The following ETS2 variants were observed in gnomAD, a reference collection of about 807,000 sequenced individuals.
ETS2 encodes the protein ETS proto-oncogene 2, transcription factor, also known as protein C-ets-2.
Under a neutral mutation model 54.9 loss-of-function variants are expected in ETS2, and 19 were observed. The ratio of observed to expected loss-of-function variants is 0.35; its 90% confidence interval spans 0.24 to 0.51. The LOEUF (loss-of-function observed/expected upper bound fraction) is 0.51. Ranked by LOEUF, ETS2 falls within the 20% of genes least tolerant of loss-of-function variation. The pLI, the probability that ETS2 is intolerant of heterozygous loss-of-function variation, is 0.97. For synonymous variants in ETS2, 219 were observed against 229.3 expected, an observed-to-expected ratio of 0.95 and a Z score of 0.41; for missense variants, 417 against 593.0, an observed-to-expected ratio of 0.70 and a Z score of 3.08.
chr21:38,812,926 C>T (rs2060919163), intron 2 of ETS2, 77 bp from the exon 3 acceptor site: 1 of 1,025,690 alleles, frequency 9.7e-7, no homozygotes, highest in South Asian at 1.3e-5. Flanking sequence ...TAGGATTGCC[C>T]ACAGACCACT....
At position 38,806,075 on chromosome 21, in the gene ETS2, G is replaced by A; in HGVS notation, c.-46G>A. On this transcript the variant is annotated 5_prime_UTR_variant, in exon 1 of 10. Coordinates refer to ENST00000360938, the MANE Select transcript of ETS2 (RefSeq NM_005239.6). This position sits in a 1 kb window ranked among gnomAD's most constrained non-coding sequence, Gnocchi z 4.3. ...CGCACCGAGCAGCCGCGGGCGCCGA[G>A]CAGCCACCGTCCCGACCAAGCGCCG... The A allele has an allele frequency of 8.7e-7, 1 of 1,153,798 alleles. No individual in the cohort carries two copies. The highest frequency in any genetic ancestry group is 1.0e-4 in the East Asian group (1 of 9,982). 71.5% of individuals were successfully genotyped at this position (1,153,798 alleles called of 1,614,324 possible).
chr21:38,811,219 G>A (rs976373885), intron 2 of ETS2, among the ~76,000 whole-genome samples: 4 of 152,050 alleles, frequency 2.6e-5, no homozygotes, highest in African/African-American at 9.7e-5. Flanking sequence ...GGTTAGGAAA[G>A]GCATTTCTTA....
In ETS2 at chr21:38,814,320, G is replaced by T; in HGVS notation, c.232G>T (p.Val78Leu). Reference sequence around the variant, plus strand: ...TTTGTTAACCCCGTGCAGCAAGGCTGTGATGAGTCAAGCCTTAAAAGCTAC... The same window carrying T: ...TTTGTTAACCCCGTGCAGCAAGGCTTTGATGAGTCAAGCCTTAAAAGCTAC... ...LPLLTPCSKA[V>L]MSQALKATFS... Residue 78 changes from valine to leucine, a missense_variant, in exon 4 of 10, where the codon GTG (valine) becomes TTG (leucine). Physicochemically the swap from Val to Leu is conservative, Grantham distance 32 (BLOSUM62 1). This residue lies in a region of ETS2 where 326 missense variants were observed against 426.1 expected (regional missense o/e 0.76). Coordinates refer to ENST00000360938, the MANE Select transcript of ETS2 (RefSeq NM_005239.6). The surrounding 1 kb of genome is among the most constrained non-coding windows in gnomAD (Gnocchi z 4.2). 2 of 1,613,934 alleles carry T rather than the reference G, an allele frequency of 1.2e-6. No homozygotes were observed. Among genetic ancestry groups the T allele is most frequent in the Non-Finnish European group, 1.7e-6 (2 of 1,179,834 alleles).
At chr21:38,805,882 C>G, upstream of ETS2, 1 of 1,213,446 alleles carries the variant, frequency 8.2e-7, no homozygotes, top group Admixed American at 3.0e-5. This position sits in a 1 kb window ranked among gnomAD's most constrained non-coding sequence, Gnocchi z 5.2. Context: ...CCTCCCTCCT[C>G]CCTCCTCCTC....
rs2060969179 is a variant in ETS2, at chr21:38,824,040, G to A, written c.*1151G>A. On this transcript the variant is annotated 3_prime_UTR_variant, in exon 10 of 10. Transcript: ENST00000360938. ...TGTAGCAGCTATTTTTACTGCAAAA[G>A]TAATTCACTGGAAAAAAAATGTAAT... is the stretch of plus-strand genomic sequence containing the variant. 3.3e-5 allele frequency: 5 copies of A among 152,544 alleles called. No individual in the cohort carries two copies. In the South Asian group the frequency reaches 1.0e-3, roughly 32 times the overall value. The allele number at this position is 152,544 out of a possible 1,614,324, so 9.4% of individuals were successfully genotyped here. A position where few individuals can be genotyped will look rare whatever the true frequency, so the allele number is the denominator to read the frequency against.
Position 38,822,795 on chromosome 21 carries a change from T to G in ETS2, c.1316T>G (p.Val439Gly). Residue 439 changes from valine (V) to glycine (G), a missense_variant, in exon 10 of 10, where the codon GTG becomes GGG. Physicochemically the swap from Val to Gly is moderately radical, Grantham distance 109. Around this residue, in one of 3 missense-constraint regions of ETS2, gnomAD observed 60 missense variants for 134.1 expected, o/e 0.45. Transcript: ENST00000360938. Reference protein sequence around the residue: ...IIHKTSGKRYVYRFVCDLQNL... With the variant: ...IIHKTSGKRYGYRFVCDLQNL... ...CACAAGACGTCGGGGAAGCGCTACG[T>G]GTACCGCTTCGTGTGCGACCTCCAG... is the stretch of plus-strand genomic sequence containing the variant. 1 of 1,613,988 alleles carries G rather than the reference T, an allele frequency of 6.2e-7. No homozygotes were observed. Among genetic ancestry groups the G allele is most frequent in the Non-Finnish European group, 8.5e-7 (1 of 1,179,886 alleles).
At chr21:38,820,089 C>T (rs2060951850) in intron 8 of ETS2, among the ~76,000 whole-genome samples, 1 of 152,202 alleles carries the variant, frequency 6.6e-6, no homozygotes, top group African/African-American at 2.4e-5. Flanking sequence ...CTCCAAGAAT[C>T]TCAAAGAATG....
rs1259723142 is a variant in ETS2, at chr21:38,821,149, T to C, written c.1076-437T>C. 6.6e-6 allele frequency among the ~76,000 whole-genome samples: 1 copy of C among 152,122 alleles called. No homozygotes were observed. The highest frequency in any genetic ancestry group is 6.5e-5 in the Admixed American group (1 of 15,276). ...GGATCCCACGTATGACACGCCTCAT[T>C]CTGTGATGAAACACCCCCTCAGCCA... On this transcript the variant is annotated intron_variant, in intron 8 of 9. Coordinates refer to ENST00000360938, the MANE Select transcript of ETS2 (RefSeq NM_005239.6). This position sits in a 1 kb window ranked among gnomAD's most constrained non-coding sequence, Gnocchi z 4.2.
chr21:38,820,392 T>TCA (rs1284650846), intron 8 of ETS2, among the ~76,000 whole-genome samples: 1 of 152,168 alleles, frequency 6.6e-6, no homozygotes, highest in Non-Finnish European at 1.5e-5. Context: ...AAAAATCTGA[T>TCA]AAGTTTAAAA....
At chr21:38,808,624 T>TGTGTGTGTTGG (rs2060902728) in intron 1 of ETS2, among the ~76,000 whole-genome samples, 1 of 143,756 alleles carries the variant, frequency 7.0e-6, no homozygotes, top group Non-Finnish European at 1.5e-5. Context: ...GTGTTGGGTG[T>TGTGTGTGTTGG]GTGTTGGGTA....
In ETS2 at chr21:38,824,948, T is replaced by G. The variant is rs2060973462; in HGVS notation, c.*2059T>G. The G allele has an allele frequency of 6.6e-6, 1 of 152,454 alleles. No homozygotes were observed. The highest frequency in any genetic ancestry group is 1.5e-5 in the Non-Finnish European group (1 of 68,052). 9.4% of individuals were successfully genotyped at this position (152,454 alleles called of 1,614,324 possible). A position where few individuals can be genotyped will look rare whatever the true frequency, so the allele number is the denominator to read the frequency against. ...TCTCTCAATAATAAAGTATTTTGTT[T>G]ATATAAATTCTTTGTGATAGTCCTC... is the stretch of plus-strand genomic sequence containing the variant. On this transcript the variant is annotated 3_prime_UTR_variant, in exon 10 of 10. Transcript: ENST00000360938.
At chr21:38,805,348 T>C (rs1259283551), upstream of ETS2, 2 of 1,288,722 alleles carry the variant, frequency 1.6e-6, no homozygotes, top group East Asian at 5.6e-5. The surrounding 1 kb of genome is among the most constrained non-coding windows in gnomAD (Gnocchi z 5.2). Flanking sequence ...GGTTCAAGAA[T>C]GGGGTCGGCT....
intron 5 of ETS2, among the ~76,000 whole-genome samples, chr21:38,815,277 C>T (rs574407757): frequency 1.3e-4 from 20 of 152,104 alleles, no homozygotes; most frequent in African/African-American, 4.8e-4. Context: ...GTATTCATCA[C>T]GGGAGTCCAT....
Position 38,814,382 on chromosome 21 carries a change from C to T in ETS2, c.294C>T (p.Gly98=). 2 of 1,614,116 alleles carry T rather than the reference C, an allele frequency of 1.2e-6. No individual in the cohort carries two copies. The highest frequency in any genetic ancestry group is 1.7e-6 in the Non-Finnish European group (2 of 1,180,020). ...SGFKKEQRRL[G]IPKNPWLWSE... is the part of the protein sequence containing the mutation. ...TCAAAAAGGAACAGCGGCGCCTGGG[C>T]ATTCCAAAGAGTAAGTACTGCTTTC... The change falls in exon 4 of 10, where the codon GGC becomes GGT. Residue 98 remains glycine, a synonymous_variant. Transcript: ENST00000360938. The surrounding 1 kb of genome is among the most constrained non-coding windows in gnomAD (Gnocchi z 4.2).
At chr21:38,811,439 C>T (rs561215911) in intron 2 of ETS2, among the ~76,000 whole-genome samples, 13 of 152,232 alleles carry the variant, frequency 8.5e-5, no homozygotes, top group South Asian at 8.3e-4. Context: ...TTTTGTAATG[C>T]GTCATTCATT....
intron 5 of ETS2, among the ~76,000 whole-genome samples, chr21:38,816,130 G>C (rs907360566): frequency 3.5e-5 from 5 of 143,868 alleles, no homozygotes; most frequent in African/African-American, 1.0e-4. Flanking sequence ...AATACAGTAG[G>C]GATTATTTAG....
Position 38,822,790 on chromosome 21 carries a change from C to G in ETS2, c.1311C>G (p.Arg437=). 1 of 1,614,112 alleles carries G rather than the reference C, an allele frequency of 6.2e-7. No individual in the cohort carries two copies. The highest frequency in any genetic ancestry group is 1.1e-5 in the South Asian group (1 of 91,078). Residue 437 remains arginine (R), a synonymous_variant, in exon 10 of 10, where the codon CGC becomes CGG. Transcript: ENST00000360938. ...TCATCCACAAGACGTCGGGGAAGCG[C>G]TACGTGTACCGCTTCGTGTGCGACC... The part of the protein sequence containing the change: ...KNIIHKTSGK[R]YVYRFVCDLQ...
Position 38,818,052 on chromosome 21 carries a change from G to A in ETS2, c.590-373G>A, listed in dbSNP as rs142922862. Among the ~76,000 whole-genome samples the A allele has an allele frequency of 1.7e-3, 260 of 151,768 alleles. 6 individuals are homozygous for A. The East Asian group carries it at 0.042, about 25-fold the overall frequency. On this transcript the variant is annotated intron_variant, in intron 6 of 9. Transcript: ENST00000360938. ...CTCAGCACACAGGGTTCATGGCCTGGTTCTGCCCTTATGAATCACACAGTA... is the reference window on the plus strand; with the variant it reads ...CTCAGCACACAGGGTTCATGGCCTGATTCTGCCCTTATGAATCACACAGTA...
At chr21:38,808,579 G>GGT (rs1274039519) in intron 1 of ETS2, among the ~76,000 whole-genome samples, 7 of 65,138 alleles carry the variant, frequency 1.1e-4, no homozygotes, top group African/African-American at 3.5e-4. Context: ...AGCCAAGAGG[G>GGT]GTGTGTGTGT....
Sources: gnomAD v4.1 joint callset for allele counts (sites outside exome capture counted in the v4.1 genomes callset) on GRCh38, gnomAD v4.1.1 for gene constraint, gnomAD v4.1.1 regional missense constraint, Gnocchi (gnomAD v3.1) non-coding constraint, MANE v1.5 for transcripts, NCBI Gene and HGNC (gene_info 2026-07-23, HGNC 2026-07-21) for gene names.